CCR10: variants seen among roughly 807,000 people sequenced by gnomAD.
CCR10 encodes the protein C-C chemokine receptor type 10.
A neutral mutation model predicts 11.9 loss-of-function variants in CCR10; 11 were observed. The ratio of observed to expected loss-of-function variants is 0.92; its 90% CI spans 0.58 to 1.53. The LOEUF (loss-of-function observed/expected upper bound fraction) is 1.53. CCR10 is among the 40% of genes most tolerant of loss of function. The probability of loss-of-function intolerance (pLI) is 0.00; values close to 1 mark genes in which losing one functional copy is unlikely to be tolerated. For missense variants in CCR10, 428 were observed against 496.6 expected, an observed-to-expected ratio of 0.86 and a Z score of 1.31; for synonymous variants, 224 against 245.4, an observed-to-expected ratio of 0.91 and a Z score of 0.81.
rs2052898842 is a variant in CCR10, at chr17:42,679,212, G to A, written c.*341C>T. 4 of 235,544 alleles carry A rather than the reference G, an allele frequency of 1.7e-5. No individual in the cohort carries two copies. Among genetic ancestry groups the A allele is most frequent in the South Asian group, 1.7e-4 (1 of 5,750 alleles). 14.6% of individuals were successfully genotyped at this position (235,544 alleles called of 1,614,324 possible). A position where few individuals can be genotyped will look rare whatever the true frequency, so the allele number is the denominator to read the frequency against. ...TGTTGGCTGAGGCCAGGTGACGGTG[G>A]AGGGGGTGTCAGTGGCTAGAGCTTT... On this transcript the variant is annotated 3_prime_UTR_variant, in exon 2 of 2. Coordinates refer to ENST00000332438, the MANE Select transcript of CCR10 (RefSeq NM_016602.3).
At position 42,679,994 on chromosome 17, in the gene CCR10, G is replaced by T. The variant is rs955181145; in HGVS notation, c.648C>A (p.Phe216Leu). ...CTACCATGACGCCCAGCGGCAGCGC[G>T]AAGCCCAGGGCCACCTGCGCCACGG... ...ASAVAQVALG[F>L]ALPLGVMVAC... Residue 216 changes from phenylalanine (F) to leucine (L), a missense_variant, in exon 2 of 2, where the codon TTC (phenylalanine) becomes TTA (leucine). By Grantham distance (22) the Phe-to-Leu change is conservative. Coordinates refer to ENST00000332438, the MANE Select transcript of CCR10 (RefSeq NM_016602.3). The T allele has an allele frequency of 2.3e-5, 36 of 1,574,232 alleles. No homozygotes were observed. Among genetic ancestry groups the T allele is most frequent in the Middle Eastern group, 3.3e-4 (2 of 5,998 alleles).
chr17:42,681,555 G>A (rs2052933133), intron 1 of CCR10: 1 of 583,562 alleles, frequency 1.7e-6, no homozygotes, highest in African/African-American at 1.9e-5. Flanking sequence ...AGGTTTTCAG[G>A]GCCCAGGTGG....
rs1224340703 is a variant in CCR10, at chr17:42,680,090, C to T, written c.552G>A (p.Gln184=). The change falls in exon 2 of 2, where the codon CAG becomes CAA. Residue 184 remains glutamine (Q), a synonymous_variant. Transcript: ENST00000332438. The part of the protein sequence containing the change: ...LPALLFSQDG[Q]REGQRRCRLI... ...GGCGACAGCGTCGTTGGCCTTCCCG[C>T]TGCCCATCCTGGCTGAAGAGCAGCG... The T allele has an allele frequency of 6.2e-7, 1 of 1,610,076 alleles. No individual in the cohort carries two copies. Among genetic ancestry groups the T allele is most frequent in the Non-Finnish European group, 8.5e-7 (1 of 1,179,320 alleles).
rs1236062692 is a variant in CCR10 at position 42,679,442 on chromosome 17, T to C, written c.*111A>G. The C allele has an allele frequency of 3.1e-6, 2 of 641,422 alleles. No homozygotes were observed. The highest frequency in any genetic ancestry group is 1.9e-5 in the African/African-American group (1 of 53,014). The allele number at this position is 641,422 out of a possible 1,614,324, so 39.7% of individuals were successfully genotyped here. ...TCATTTCCATGTTATCAATTTAATGTGGCAAGGCACAGAGGTAGTCCCTTT... is the reference window on the plus strand; with the variant it reads ...TCATTTCCATGTTATCAATTTAATGCGGCAAGGCACAGAGGTAGTCCCTTT... On this transcript the variant is annotated 3_prime_UTR_variant, in exon 2 of 2. Coordinates refer to ENST00000332438, the MANE Select transcript of CCR10 (RefSeq NM_016602.3).
rs1309622519 is a variant in CCR10, at chr17:42,680,154, A to G, written c.488T>C (p.Val163Ala). Residue 163 changes from valine (V) to alanine (A), a missense_variant, in exon 2 of 2, where the codon GTC becomes GCC. Val to Ala is a moderately conservative substitution (Grantham distance 64). Transcript: ENST00000332438. ...STPGRAHLVS[V>A]IVWLLSLLLA... ...GAGCAGTGACAGCAGCCACACGATG[A>G]CGGAGACCAAGTGTGCGCGGCCGGG... is the stretch of plus-strand genomic sequence containing the variant. 1 of 1,612,314 alleles carries G rather than the reference A, an allele frequency of 6.2e-7. No homozygotes were observed. Among genetic ancestry groups the G allele is most frequent in the Non-Finnish European group, 8.5e-7 (1 of 1,179,720 alleles).
chr17:42,681,698 G>A, intron 1 of CCR10, 102 bp downstream of exon 1: 1 of 853,032 alleles, frequency 1.2e-6, no homozygotes, highest in Admixed American at 1.8e-5. Context: ...TCCTGAATAA[G>A]CCATAGGATG....
rs2052898821 is a variant in CCR10, at chr17:42,679,208, G to C, written c.*345C>G. 8.8e-6 allele frequency: 2 copies of C among 227,114 alleles called. No individual in the cohort carries two copies. The highest frequency in any genetic ancestry group is 8.6e-5 in the East Asian group (1 of 11,648). The allele number at this position is 227,114 out of a possible 1,614,324, so 14.1% of individuals were successfully genotyped here. Reference sequence around the variant, plus strand: ...CCTCTGTTGGCTGAGGCCAGGTGACGGTGGAGGGGGTGTCAGTGGCTAGAG... The same window carrying C: ...CCTCTGTTGGCTGAGGCCAGGTGACCGTGGAGGGGGTGTCAGTGGCTAGAG... On this transcript the variant is annotated 3_prime_UTR_variant, in exon 2 of 2. Transcript: ENST00000332438.
In CCR10 at chr17:42,680,297, G is replaced by T. The variant is rs765010392; in HGVS notation, c.345C>A (p.Thr115=). 7.7e-6 allele frequency: 12 copies of T among 1,556,178 alleles called. No homozygotes were observed. The highest frequency in any genetic ancestry group is 9.6e-6 in the Non-Finnish European group (11 of 1,150,266). ...GWSLGSATCR[T]ISGLYSASFH... ...AGGAGGCCGAGTAGAGGCCAGAGAT[G>T]GTGCGGCAGGTGGCACTTCCCAGAC... The change falls in exon 2 of 2, where the codon ACC becomes ACA. Residue 115 remains threonine (T), a synonymous_variant. Coordinates refer to ENST00000332438, the MANE Select transcript of CCR10 (RefSeq NM_016602.3).
chr17:42,680,271 A>C lies in CCR10; in HGVS notation c.371T>G (p.Phe124Cys). 1 of 1,569,472 alleles carries C rather than the reference A, an allele frequency of 6.4e-7. No individual in the cohort carries two copies. The highest frequency in any genetic ancestry group is 8.6e-7 in the Non-Finnish European group (1 of 1,157,504). ...RTISGLYSAS[F>C]HAGFLFLACI... ...GGCCAGGAAGAGGAAGCCGGCGTGG[A>C]AGGAGGCCGAGTAGAGGCCAGAGAT... Residue 124 changes from phenylalanine (F) to cysteine (C), a missense_variant, in exon 2 of 2, where the codon TTC becomes TGC. Phe to Cys is a radical substitution (Grantham distance 205). Coordinates refer to ENST00000332438, the MANE Select transcript of CCR10 (RefSeq NM_016602.3).
At position 42,679,898 on chromosome 17, in the gene CCR10, G is replaced by A. The variant is rs765466722; in HGVS notation, c.744C>T (p.Val248=). The A allele has an allele frequency of 5.3e-5, 83 of 1,572,560 alleles. No individual in the cohort carries two copies. Among genetic ancestry groups the A allele is most frequent in the Non-Finnish European group, 6.9e-5 (80 of 1,165,666 alleles). ...RGPERRRALR[V]VVALVAAFVV... ...CGAAGGCCGCCACCAGAGCCACCAC[G>A]ACGCGCAGCGCACGCCGGCGCTCGG... The change falls in exon 2 of 2, where the codon GTC becomes GTT. Residue 248 remains valine (V), a synonymous_variant. Coordinates refer to ENST00000332438, the MANE Select transcript of CCR10 (RefSeq NM_016602.3).
intron 1 of CCR10, 35 bp from the exon 2 acceptor site, chr17:42,680,652 G>GAC: frequency 1.4e-6 from 2 of 1,418,838 alleles, no homozygotes; most frequent in Non-Finnish European, 1.9e-6. Flanking sequence ...GATCTTATGA[G>GAC]ACACATCTGA....
chr17:42,679,657 T>TC lies in CCR10; in HGVS notation c.984dup (p.Ser329GlufsTer40). ...CGGGGTTGAGGCCCTGAGGGGCAGCTCCCACCCCGTAGCAGCCTCCGCAGG... is the reference window on the plus strand; with the variant it reads ...CGGGGTTGAGGCCCTGAGGGGCAGCTCCCCACCCCGTAGCAGCCTCCGCAGG... On this transcript the variant is annotated frameshift_variant, in exon 2 of 2. Transcript: ENST00000332438. LOFTEE classifies it high-confidence loss of function. 2 of 1,507,232 alleles carry TC rather than the reference T, an allele frequency of 1.3e-6. No individual in the cohort carries two copies. The highest frequency in any genetic ancestry group is 1.8e-6 in the Non-Finnish European group (2 of 1,131,744). 93.4% of individuals were successfully genotyped at this position (1,507,232 alleles called of 1,614,324 possible).
rs868731278 is a variant in CCR10 at position 42,681,361 on chromosome 17, C to T, written c.24+439G>A. Reference sequence around the variant, plus strand: ...AATCCTACAGCTTCAGTTCCCTTTGCAGCGCCCTCTCCTGGAAGGATGCCC... The same window carrying T: ...AATCCTACAGCTTCAGTTCCCTTTGTAGCGCCCTCTCCTGGAAGGATGCCC... On this transcript the variant is annotated intron_variant, in intron 1 of 1. Transcript: ENST00000332438. The T allele has an allele frequency of 1.5e-4, 29 of 191,596 alleles. 1 individual carries two copies. In the Middle Eastern group the frequency reaches 6.7e-3, roughly 44 times the overall value. The allele number at this position is 191,596 out of a possible 1,614,324, so 11.9% of individuals were successfully genotyped here. A position where few individuals can be genotyped will look rare whatever the true frequency, so the allele number is the denominator to read the frequency against.
Position 42,679,922 on chromosome 17 carries a change from G to A in CCR10, c.720C>T (p.Pro240=). 6.4e-7 allele frequency: 1 copy of A among 1,556,530 alleles called. No homozygotes were observed. The highest frequency in any genetic ancestry group is 8.6e-7 in the Non-Finnish European group (1 of 1,156,894). ...LGRTLLAARG[P]ERRRALRVVV... ...CGACGCGCAGCGCACGCCGGCGCTC[G>A]GGCCCCCTGGCGGCCAGCAGCGTGC... Residue 240 remains proline, a synonymous_variant, in exon 2 of 2, where the codon CCC becomes CCT. Transcript: ENST00000332438.
Position 42,680,434 on chromosome 17 carries a change from G to C in CCR10, c.208C>G (p.Arg70Gly), listed in dbSNP as rs1479584708. Residue 70 changes from arginine (R) to glycine (G), a missense_variant, in exon 2 of 2, where the codon CGA becomes GGA. Physicochemically the swap from Arg to Gly is moderately radical, Grantham distance 125. Transcript: ENST00000332438. ...GAGGTGGGCGAGCGCGCTGCGCGTC[G>C]GGCTGCCAGGTGGGTGGCCAGGACC... ...GLVLATHLAARRAARSPTSAH... is the reference protein window; with the variant it reads ...GLVLATHLAAGRAARSPTSAH... The C allele has an allele frequency of 1.3e-6, 2 of 1,585,290 alleles. No individual in the cohort carries two copies. The highest frequency in any genetic ancestry group is 1.8e-5 in the Admixed American group (1 of 55,534).
At position 42,679,880 on chromosome 17, in the gene CCR10, C is replaced by G; in HGVS notation, c.762G>C (p.Ala254=). 2 of 1,589,836 alleles carry G rather than the reference C, an allele frequency of 1.3e-6. No individual in the cohort carries two copies. The highest frequency in any genetic ancestry group is 1.7e-6 in the Non-Finnish European group (2 of 1,173,076). The part of the protein sequence containing the change: ...RALRVVVALV[A]AFVVLQLPYS... Reference sequence around the variant, plus strand: ...AGGGCAGCTGCAGCACCACGAAGGCCGCCACCAGAGCCACCACGACGCGCA... The same window carrying G: ...AGGGCAGCTGCAGCACCACGAAGGCGGCCACCAGAGCCACCACGACGCGCA... The change falls in exon 2 of 2, where the codon GCG becomes GCC. Residue 254 remains alanine (A), a synonymous_variant. Coordinates refer to ENST00000332438, the MANE Select transcript of CCR10 (RefSeq NM_016602.3).
At chr17:42,681,386 C>CT (rs1402592350) in intron 1 of CCR10, 2 of 238,722 alleles carry the variant, frequency 8.4e-6, no homozygotes, top group Non-Finnish European at 1.7e-5. Context: ...GAAGGATGCC[C>CT]ATATGCAGGC....
Position 42,680,522 on chromosome 17 carries a change from G to C in CCR10, c.120C>G (p.Ser40Arg), listed in dbSNP as rs2052917653. Reference protein sequence around the residue: ...LCYKADVQAFSRAFQPSVSLT... With the variant: ...LCYKADVQAFRRAFQPSVSLT... ...GGGAGACACTGGGTTGGAAGGCCCGGCTGAAGGCCTGGACATCGGCCTTGT... is the reference window on the plus strand; with the variant it reads ...GGGAGACACTGGGTTGGAAGGCCCGCCTGAAGGCCTGGACATCGGCCTTGT... Residue 40 changes from serine (S) to arginine (R), a missense_variant, in exon 2 of 2, where the codon AGC (serine) becomes AGG (arginine). Coordinates refer to ENST00000332438, the MANE Select transcript of CCR10 (RefSeq NM_016602.3). 6.2e-7 allele frequency: 1 copy of C among 1,612,246 alleles called. No homozygotes were observed. Among genetic ancestry groups the C allele is most frequent in the African/African-American group, 1.3e-5 (1 of 74,934 alleles).
In CCR10 at chr17:42,679,268, A is replaced by G; in HGVS notation, c.*285T>C. On this transcript the variant is annotated 3_prime_UTR_variant, in exon 2 of 2. Coordinates refer to ENST00000332438, the MANE Select transcript of CCR10 (RefSeq NM_016602.3). ...ACTCAGCAGCCCCCCACCCCCACCC[A>G]GGCCCTCAGCGTCTTCCACTCAGAG... 3.1e-6 allele frequency: 1 copy of G among 325,686 alleles called. No individual in the cohort carries two copies. The highest frequency in any genetic ancestry group is 5.6e-6 in the Non-Finnish European group (1 of 180,008). 20.2% of individuals were successfully genotyped at this position (325,686 alleles called of 1,614,324 possible).
Sources: gnomAD v4.1 joint callset for allele counts on GRCh38, gnomAD v4.1.1 for gene constraint, MANE v1.5 for transcripts, NCBI Gene and HGNC (gene_info 2026-07-23, HGNC 2026-07-21) for gene names.